Variants in CIP2A observed in about 807,000 individuals in gnomAD.
CIP2A encodes cellular inhibitor of PP2A.
In CIP2A, 103 loss-of-function variants were observed where a neutral mutation model predicts 110.9. That is an observed-to-expected ratio of 0.93 (90% confidence interval 0.79 to 1.09). The LOEUF is 1.09. CIP2A is among the 50% of genes least tolerant of loss of function. CIP2A has a pLI of 0.00. For missense variants in CIP2A, 1,088 were observed against 1,038.4 expected (o/e 1.05, Z -0.66); for synonymous variants, 381 against 361.6 (o/e 1.05, Z -0.61).
intron 1 of CIP2A, among the ~76,000 whole-genome samples, chr3:108,588,367 A>G (rs1559707092): frequency 1.3e-5 from 2 of 152,064 alleles, no homozygotes; most frequent in African/African-American, 2.4e-5. Flanking sequence ...GAAGCTCAAG[A>G]TAAGACAGAC....
intron 12 of CIP2A, among the ~76,000 whole-genome samples, chr3:108,563,679 G>GA (rs1553693880): frequency 7.9e-5 from 12 of 151,812 alleles, no homozygotes; most frequent in Non-Finnish European, 1.5e-5. Context: ...TTTAAAGATC[G>GA]AAAAAATACA....
At position 108,579,338 on chromosome 3, in the gene CIP2A, G is replaced by A; in HGVS notation, c.761C>T (p.Ser254Leu). The change falls in exon 7 of 21, where the codon TCA (serine) becomes TTA (leucine). Residue 254 changes from serine to leucine, a missense_variant. Ser to Leu is a moderately radical substitution (Grantham distance 145). Coordinates refer to ENST00000295746, the MANE Select transcript of CIP2A (RefSeq NM_020890.3). ...NGDGTLTRKY[S>L]VDLLMDLLKN... ...AAGGAGATCCATCAGTAGGTCAACT[G>A]AATACTTTCTAGTTAGAGTGCCATC... 1.2e-6 allele frequency: 2 copies of A among 1,606,292 alleles called. No homozygotes were observed. Among genetic ancestry groups the A allele is most frequent in the Non-Finnish European group, 1.7e-6 (2 of 1,173,190 alleles).
At position 108,550,457 on chromosome 3, in the gene CIP2A, C is replaced by A. The variant is rs925231916; in HGVS notation, c.*692G>T. ...AAAAGAGAAAAAAACACTAAATATACCTTACAAATAATTCTACAAGTTCTT... is the reference window on the plus strand; with the variant it reads ...AAAAGAGAAAAAAACACTAAATATAACTTACAAATAATTCTACAAGTTCTT... On this transcript the variant is annotated 3_prime_UTR_variant, in exon 21 of 21. Transcript: ENST00000295746. The A allele has an allele frequency of 1.3e-5, 2 of 151,236 alleles. No homozygotes were observed. The highest frequency in any genetic ancestry group is 3.0e-5 in the Non-Finnish European group (2 of 67,610). 9.4% of individuals were successfully genotyped at this position (151,236 alleles called of 1,614,324 possible).
chr3:108,566,886 GTC>G (rs948796219), intron 10 of CIP2A, among the ~76,000 whole-genome samples: 7 of 151,736 alleles, frequency 4.6e-5, no homozygotes, highest in African/African-American at 1.7e-4. Flanking sequence ...TCCATTGGAT[GTC>G]TGTTTTTTGT....
At chr3:108,580,696 T>C (rs1938841653) in intron 5 of CIP2A, among the ~76,000 whole-genome samples, 1 of 151,980 alleles carries the variant, frequency 6.6e-6, no homozygotes, top group South Asian at 2.1e-4. Flanking sequence ...TGGCGCGATC[T>C]CAGCTCACTC....
At chr3:108,567,673 A>G (rs943312727) in intron 10 of CIP2A, among the ~76,000 whole-genome samples, 3 of 151,948 alleles carry the variant, frequency 2.0e-5, no homozygotes, top group African/African-American at 7.2e-5. Context: ...TATTAAAGCA[A>G]TTATGAAGGC....
chr3:108,559,118 C>T (rs1175031216), intron 16 of CIP2A, among the ~76,000 whole-genome samples: 1 of 151,856 alleles, frequency 6.6e-6, no homozygotes, highest in Non-Finnish European at 1.5e-5. Context: ...TGCTATGATT[C>T]ATACAAAAAA....
At chr3:108,553,164 G>C (rs867793875) in intron 19 of CIP2A, among the ~76,000 whole-genome samples, 87 of 48,902 alleles carry the variant, frequency 1.8e-3, no homozygotes, top group Middle Eastern at 0.038. Flanking sequence ...GTCTTGCTTT[G>C]TCACCCAGGT....
At position 108,581,403 on chromosome 3, in the gene CIP2A, T is replaced by G. The variant is rs1474026377; in HGVS notation, c.549+12A>C. On this transcript the variant is annotated intron_variant, in intron 5 of 20. Coordinates refer to ENST00000295746, the MANE Select transcript of CIP2A (RefSeq NM_020890.3). ...TAAAACAAGAAACATTAAAAAGAAATAAACTTCTTACCAATGTCTTTATGT... is the reference window on the plus strand; with the variant it reads ...TAAAACAAGAAACATTAAAAAGAAAGAAACTTCTTACCAATGTCTTTATGT... The G allele has an allele frequency of 6.4e-7, 1 of 1,567,602 alleles. No homozygotes were observed. Among genetic ancestry groups the G allele is most frequent in the East Asian group, 2.2e-5 (1 of 44,536 alleles).
Position 108,569,185 on chromosome 3 carries a change from T to TATATATATATACACATACAC in CIP2A, c.1113+203_1113+204insGTGTATGTGTATATATATAT, listed in dbSNP as rs1262928381. Among the ~76,000 whole-genome samples the TATATATATATACACATACAC allele has an allele frequency of 1.5e-4, 19 of 125,078 alleles. 1 individual carries two copies. The highest frequency in any genetic ancestry group is 5.4e-4 in the African/African-American group (18 of 33,400). The allele number at this position is 125,078 out of a possible 152,430, so 82.1% of individuals were successfully genotyped here. A position where few individuals can be genotyped will look rare whatever the true frequency, so the allele number is the denominator to read the frequency against. The stretch of plus-strand genomic sequence containing the variant: ...AATGAGCACTATATATATATATACA[T>TATATATATATACACATACAC]ACACACTACTCAGTGAAAAAAAAGG... On this transcript the variant is annotated intron_variant, in intron 9 of 20. Transcript: ENST00000295746.
At chr3:108,573,258 AG>A (rs1485682798) in intron 8 of CIP2A, among the ~76,000 whole-genome samples, 1 of 151,794 alleles carries the variant, frequency 6.6e-6, no homozygotes, top group Non-Finnish European at 1.5e-5. Context: ...CATTTGTTGT[AG>A]TATCCTTGTC....
rs933477185 is a variant in CIP2A at position 108,574,280 on chromosome 3, T to C, written c.894+1991A>G. Among the ~76,000 whole-genome samples, 5 of 152,072 alleles carry C rather than the reference T, an allele frequency of 3.3e-5. No homozygotes were observed. The South Asian group carries it at 6.2e-4, about 19-fold the overall frequency. ...GATATTTTTATTAATTAATAAAATA[T>C]TAATTTAAATTATAATGCAATACTA... On this transcript the variant is annotated intron_variant, in intron 8 of 20. Coordinates refer to ENST00000295746, the MANE Select transcript of CIP2A (RefSeq NM_020890.3).
intron 13 of CIP2A, among the ~76,000 whole-genome samples, chr3:108,561,267 C>T (rs1399142326): frequency 6.6e-6 from 1 of 152,094 alleles, no homozygotes; most frequent in Non-Finnish European, 1.5e-5. Context: ...TCTCTTTCTC[C>T]TACCTCAGGC....
At chr3:108,574,724 G>C (rs1938509033) in intron 8 of CIP2A, 1 of 152,566 alleles carries the variant, frequency 6.6e-6, no homozygotes, top group Admixed American at 6.6e-5. Flanking sequence ...TCATGTCTCT[G>C]ACCTCCTGCT....
intron 2 of CIP2A, among the ~76,000 whole-genome samples, chr3:108,583,612 G>C (rs535491683): frequency 1.3e-5 from 2 of 152,222 alleles, no homozygotes; most frequent in African/African-American, 4.8e-5. Flanking sequence ...GTGGTGATGG[G>C]AGGTGTGAGG....
At chr3:108,581,563 A>G in intron 4 of CIP2A, 52 bp from the exon 5 acceptor site, 1 of 1,062,018 alleles carries the variant, frequency 9.4e-7, no homozygotes, top group Non-Finnish European at 1.4e-6. Context: ...AAAAGAAAAA[A>G]AGCATTAACA....
intron 5 of CIP2A, among the ~76,000 whole-genome samples, chr3:108,580,982 C>G (rs1938854388): frequency 6.6e-6 from 1 of 152,166 alleles, no homozygotes; most frequent in Non-Finnish European, 1.5e-5. Context: ...CTTCATTTAT[C>G]ACAAGTACTG....
chr3:108,563,293 G>A, intron 12 of CIP2A, 49 bp from the exon 13 acceptor site: 1 of 1,106,208 alleles, frequency 9.0e-7, no homozygotes, highest in Non-Finnish European at 1.4e-6. Flanking sequence ...AATAAACAAT[G>A]TCAGCTCTTT....
At chr3:108,580,981 T>C (rs995889498) in intron 5 of CIP2A, among the ~76,000 whole-genome samples, 1 of 152,226 alleles carries the variant, frequency 6.6e-6, no homozygotes, top group African/African-American at 2.4e-5. Flanking sequence ...TCTTCATTTA[T>C]CACAAGTACT....
Sources: gnomAD v4.1 joint callset for allele counts (sites outside exome capture counted in the v4.1 genomes callset) on GRCh38, gnomAD v4.1.1 for gene constraint, MANE v1.5 for transcripts, NCBI Gene and HGNC (gene_info 2026-07-23, HGNC 2026-07-21) for gene names.